Variants in ATXN1 observed in about 807,000 individuals in gnomAD.
ATXN1 encodes the protein ataxin 1, also known as ataxin-1.
Under a neutral mutation model 56.4 loss-of-function variants are expected in ATXN1, and 8 were observed. That is an observed-to-expected ratio of 0.14 (90% CI 0.08 to 0.26). The LOEUF (loss-of-function observed/expected upper bound fraction) is 0.26, where lower values mean the gene tolerates loss of function less well. ATXN1 is among the 10% of genes least tolerant of loss of function. The pLI is 1.00. For synonymous variants in ATXN1, 514 were observed against 494.6 expected, an observed-to-expected ratio of 1.04 and a Z score of -0.52; for missense variants, 987 against 1,106.5, an observed-to-expected ratio of 0.89 and a Z score of 1.53.
At chr6:16,333,877 AT>A (rs921475602) in intron 6 of ATXN1, among the ~76,000 whole-genome samples, 4 of 152,206 alleles carry the variant, frequency 2.6e-5, no homozygotes, top group Non-Finnish European at 4.4e-5. Flanking sequence ...TTGGCCAAGC[AT>A]TAAAAACAGG....
intron 2 of ATXN1, among the ~76,000 whole-genome samples, chr6:16,674,648 C>A (rs966663318): frequency 3.9e-5 from 6 of 151,900 alleles, no homozygotes; most frequent in African/African-American, 1.5e-4. Flanking sequence ...TGAGCCACCA[C>A]GCCCTGCCTA....
At chr6:16,565,218 G>T (rs539432768) in intron 4 of ATXN1, among the ~76,000 whole-genome samples, 1 of 152,254 alleles carries the variant, frequency 6.6e-6, no homozygotes, top group South Asian at 2.1e-4. Context: ...AAGAATAAGG[G>T]GGCTACTCTG....
intron 4 of ATXN1, among the ~76,000 whole-genome samples, chr6:16,545,152 A>G (rs1761791402): frequency 1.3e-5 from 2 of 152,132 alleles, no homozygotes; most frequent in South Asian, 2.1e-4. Context: ...AGCTTCTTGG[A>G]AAAGAGTTTC....
At chr6:16,449,389 G>A (rs755851365) in intron 6 of ATXN1, among the ~76,000 whole-genome samples, 2 of 152,220 alleles carry the variant, frequency 1.3e-5, no homozygotes, top group Non-Finnish European at 2.9e-5. Context: ...GCCAATGTCA[G>A]AGATTAAATC....
chr6:16,324,186 A>C (rs951729161), intron 7 of ATXN1, among the ~76,000 whole-genome samples: 2 of 152,140 alleles, frequency 1.3e-5, no homozygotes, highest in Non-Finnish European at 2.9e-5. Context: ...TCGTGTCTGT[A>C]ATCTCAGGGC....
intron 4 of ATXN1, among the ~76,000 whole-genome samples, chr6:16,572,815 A>G (rs1321347004): frequency 6.6e-6 from 1 of 152,182 alleles, no homozygotes; most frequent in Non-Finnish European, 1.5e-5. Context: ...TTTTTCTTCT[A>G]TAAAGTTCAG....
intron 7 of ATXN1, among the ~76,000 whole-genome samples, chr6:16,320,762 G>A (rs1207345235): frequency 3.3e-5 from 5 of 152,238 alleles, no homozygotes; most frequent in Non-Finnish European, 5.9e-5. Context: ...CTCAAATCCA[G>A]TTCATACTCA....
At chr6:16,631,868 G>A (rs963050935) in intron 3 of ATXN1, among the ~76,000 whole-genome samples, 20 of 152,278 alleles carry the variant, frequency 1.3e-4, no homozygotes, top group African/African-American at 4.3e-4. Context: ...CAGGAAAGAG[G>A]AAGAGAAGAG....
chr6:16,679,892 G>A (rs544887019), intron 2 of ATXN1, among the ~76,000 whole-genome samples: 1 of 152,288 alleles, frequency 6.6e-6, no homozygotes, highest in African/African-American at 2.4e-5. Flanking sequence ...AAAGTTAAAG[G>A]AACTGTAGGA....
chr6:16,600,492 G>GGAATTTATAATAAAT (rs1762893192), intron 3 of ATXN1, among the ~76,000 whole-genome samples: 1 of 152,074 alleles, frequency 6.6e-6, no homozygotes, highest in Non-Finnish European at 1.5e-5. Context: ...TATAATAAAT[G>GGAATTTATAATAAAT]GGTAGCCTAA....
intron 6 of ATXN1, among the ~76,000 whole-genome samples, chr6:16,442,766 C>T (rs1462620083): frequency 6.6e-6 from 1 of 152,018 alleles, no homozygotes; most frequent in East Asian, 1.9e-4. Context: ...AATCCCAACA[C>T]TTTGGGAGGC....
intron 6 of ATXN1, among the ~76,000 whole-genome samples, chr6:16,471,490 T>C (rs1231427852): frequency 1.3e-5 from 2 of 152,138 alleles, no homozygotes; most frequent in Admixed American, 1.3e-4. Context: ...GCAGACAGAT[T>C]GGATCAGAGG....
chr6:16,692,923 A>G (rs2113421228), intron 2 of ATXN1, among the ~76,000 whole-genome samples: 1 of 152,292 alleles, frequency 6.6e-6, no homozygotes, highest in Non-Finnish European at 1.5e-5. Context: ...TGGATAGATA[A>G]GCTTTCTCCT....
At chr6:16,343,561 T>C (rs1252758682) in intron 6 of ATXN1, among the ~76,000 whole-genome samples, 1 of 152,156 alleles carries the variant, frequency 6.6e-6, no homozygotes, top group Non-Finnish European at 1.5e-5. Context: ...CAAAGGGGAC[T>C]GTGAGCTGTA....
chr6:16,475,046 T>G (rs1760299583), intron 6 of ATXN1, among the ~76,000 whole-genome samples: 1 of 152,200 alleles, frequency 6.6e-6, no homozygotes, highest in Admixed American at 6.5e-5. Context: ...AGAGTTCTAC[T>G]CATATCAACA....
At chr6:16,417,315 G>A (rs999248215) in intron 6 of ATXN1, among the ~76,000 whole-genome samples, 6 of 152,154 alleles carry the variant, frequency 3.9e-5, no homozygotes, top group African/African-American at 1.2e-4. Context: ...GATTACAGGC[G>A]CAAGCCACCA....
intron 2 of ATXN1, among the ~76,000 whole-genome samples, chr6:16,691,695 A>T (rs894531338): frequency 6.6e-6 from 1 of 152,234 alleles, no homozygotes; most frequent in Non-Finnish European, 1.5e-5. Flanking sequence ...GAAAAAAGCA[A>T]ATGTAGTTGA....
intron 6 of ATXN1, among the ~76,000 whole-genome samples, chr6:16,419,897 G>A (rs997094386): frequency 1.1e-4 from 16 of 152,254 alleles, no homozygotes; most frequent in African/African-American, 2.9e-4. Flanking sequence ...GATGAGGACC[G>A]CTCATCCTAT....
At chr6:16,492,285 G>A (rs1187618267) in intron 5 of ATXN1, among the ~76,000 whole-genome samples, 1 of 149,460 alleles carries the variant, frequency 6.7e-6, no homozygotes, top group Non-Finnish European at 1.5e-5. Flanking sequence ...GGGGTGGGGG[G>A]AGCGGGGAGG....
Sources: allele counts gnomAD v4.1 joint callset (sites outside exome capture counted in the v4.1 genomes callset), GRCh38; gene constraint gnomAD v4.1.1; transcripts MANE v1.5; gene names NCBI Gene and HGNC (gene_info 2026-07-23, HGNC 2026-07-21).